NTRK2: variants seen among roughly 807,000 people sequenced by gnomAD.
The protein encoded by NTRK2 is neurotrophic receptor tyrosine kinase 2.
A neutral mutation model predicts 94.5 loss-of-function variants in NTRK2; 13 were observed. The ratio of observed to expected loss-of-function variants is 0.14; its 90% confidence interval spans 0.09 to 0.22. The LOEUF is 0.22. Ranked by LOEUF, NTRK2 falls within the 10% of genes least tolerant of loss-of-function variation. NTRK2 has a pLI of 1.00. For missense variants in NTRK2, 639 were observed against 1,071.2 expected, an observed-to-expected ratio of 0.60 and a Z score of 5.63; for synonymous variants, 372 against 407.4, an observed-to-expected ratio of 0.91 and a Z score of 1.05.
chr9:84,882,854 C>T (rs1357255063), intron 14 of NTRK2, among the ~76,000 whole-genome samples: 1 of 152,204 alleles, frequency 6.6e-6, no homozygotes, highest in African/African-American at 2.4e-5. Context: ...ACCTCCGCCT[C>T]CTGGGTTCAA....
At chr9:84,859,250 G>A (rs2075216311) in intron 12 of NTRK2, among the ~76,000 whole-genome samples, 1 of 152,184 alleles carries the variant, frequency 6.6e-6, no homozygotes, top group Admixed American at 6.5e-5. Context: ...CCACACCAAT[G>A]GTGGGGAATT....
chr9:84,766,757 AATAC>A (rs1267921196), intron 12 of NTRK2, among the ~76,000 whole-genome samples: 12 of 152,088 alleles, frequency 7.9e-5, no homozygotes, highest in Admixed American at 7.9e-4. Flanking sequence ...ACACACTTTT[AATAC>A]ATACATTCAA....
At chr9:84,876,928 A>C in intron 14 of NTRK2, 1 of 1,061,424 alleles carries the variant, frequency 9.4e-7, no homozygotes, top group Non-Finnish European at 1.1e-6. Flanking sequence ...ATTTCACTGA[A>C]TTCTACCTAG....
chr9:84,697,401 TG>T (rs747854546), intron 2 of NTRK2, among the ~76,000 whole-genome samples: 5 of 152,174 alleles, frequency 3.3e-5, no homozygotes, highest in Non-Finnish European at 5.9e-5. Flanking sequence ...ATCTCCTGGT[TG>T]GGGTGTGTGC....
chr9:84,836,730 G>A (rs766281967), intron 12 of NTRK2, among the ~76,000 whole-genome samples: 14 of 148,618 alleles, frequency 9.4e-5, no homozygotes, highest in Non-Finnish European at 2.1e-4. Flanking sequence ...TACCACCTCC[G>A]CTGGGGCCTT....
At chr9:84,973,340 C>T (rs1412581770) in intron 17 of NTRK2, among the ~76,000 whole-genome samples, 2 of 152,178 alleles carry the variant, frequency 1.3e-5, no homozygotes, top group African/African-American at 4.8e-5. Context: ...AACTTTGCCA[C>T]AGAGAGAACA....
At chr9:84,883,393 T>C (rs1038017654) in intron 14 of NTRK2, among the ~76,000 whole-genome samples, 14 of 152,190 alleles carry the variant, frequency 9.2e-5, no homozygotes, top group Admixed American at 5.9e-4. Flanking sequence ...TACAATTCTT[T>C]TAGGTTTTAA....
intron 17 of NTRK2, among the ~76,000 whole-genome samples, chr9:85,010,496 G>C (rs1027277363): frequency 2.0e-5 from 3 of 152,186 alleles, no homozygotes; most frequent in African/African-American, 7.2e-5. Flanking sequence ...TTAAAGAAAT[G>C]TATAGCTTTG....
intron 17 of NTRK2, among the ~76,000 whole-genome samples, chr9:84,980,044 T>C (rs887828076): frequency 3.3e-5 from 5 of 152,266 alleles, no homozygotes; most frequent in African/African-American, 9.6e-5. Flanking sequence ...CCCCATTTAT[T>C]GCCACATTTG....
At chr9:84,905,278 G>C (rs1263553508) in intron 14 of NTRK2, among the ~76,000 whole-genome samples, 1 of 8,776 alleles carries the variant, frequency 1.1e-4, no homozygotes, top group African/African-American at 3.3e-4. Context: ...TTTAGAGGGT[G>C]TGTGTGTGTG....
At chr9:84,836,277 C>T (rs1396249283) in intron 12 of NTRK2, among the ~76,000 whole-genome samples, 1 of 152,146 alleles carries the variant, frequency 6.6e-6, no homozygotes, top group Admixed American at 6.5e-5. Context: ...GAGGGCAGCT[C>T]TTCCTATGAT....
intron 4 of NTRK2, among the ~76,000 whole-genome samples, chr9:84,704,282 G>T (rs2060908541): frequency 7.6e-6 from 1 of 132,042 alleles, no homozygotes; most frequent in Non-Finnish European, 1.5e-5. Context: ...AGGCTGGAGT[G>T]CAGTGGCTCG....
At chr9:84,908,644 G>A (rs1267517088) in intron 14 of NTRK2, among the ~76,000 whole-genome samples, 1 of 152,104 alleles carries the variant, frequency 6.6e-6, no homozygotes, top group Non-Finnish European at 1.5e-5. Context: ...TAAATAGCAG[G>A]GTGCTTGCTA....
At chr9:84,848,295 A>C (rs2074572155) in intron 12 of NTRK2, among the ~76,000 whole-genome samples, 1 of 152,198 alleles carries the variant, frequency 6.6e-6, no homozygotes, top group East Asian at 1.9e-4. Flanking sequence ...ATACAAACAA[A>C]AATGATAATC....
intron 12 of NTRK2, among the ~76,000 whole-genome samples, chr9:84,842,279 A>T (rs148478242): frequency 2.3e-3 from 344 of 152,140 alleles, no homozygotes; most frequent in Non-Finnish European, 3.5e-3. Flanking sequence ...CACCCTCCTG[A>T]TCTAAGTCTT....
intron 16 of NTRK2, among the ~76,000 whole-genome samples, chr9:84,950,562 C>A (rs2078743987): frequency 6.6e-6 from 1 of 150,942 alleles, no homozygotes; most frequent in Non-Finnish European, 1.5e-5. Context: ...TGCCTTGTAT[C>A]CTCTCTAAGT....
chr9:84,871,717 G>T, intron 14 of NTRK2: 1 of 1,286,442 alleles, frequency 7.8e-7, no homozygotes, highest in Non-Finnish European at 1.1e-6. Context: ...TTGCAGGATT[G>T]TAGAGCAATC....
At chr9:84,873,726 A>G (rs1055419433) in intron 14 of NTRK2, 3 of 1,056,456 alleles carry the variant, frequency 2.8e-6, no homozygotes, top group African/African-American at 1.7e-5. Flanking sequence ...GCACACTCAC[A>G]GTGAAGTAAA....
chr9:85,021,152 T>C, intron 18 of NTRK2, 100 bp from the exon 19 acceptor site: 2 of 1,035,218 alleles, frequency 1.9e-6, no homozygotes, highest in Non-Finnish European at 2.9e-6. Flanking sequence ...AGTGGGCTTC[T>C]TTTGTAAAAG....
Sources: gnomAD v4.1 joint callset for allele counts (sites outside exome capture counted in the v4.1 genomes callset) on GRCh38, gnomAD v4.1.1 for gene constraint, MANE v1.5 for transcripts, NCBI Gene and HGNC (gene_info 2026-07-23, HGNC 2026-07-21) for gene names.